Variants in ALOXE3 observed in about 807,000 individuals in gnomAD.
ALOXE3 encodes hydroperoxide isomerase ALOXE3.
In ALOXE3, 78 loss-of-function variants were observed where a neutral mutation model predicts 87.5. The observed-to-expected ratio is 0.89, with a 90% CI of 0.74 to 1.08. The LOEUF (loss-of-function observed/expected upper bound fraction) is 1.08. ALOXE3 is among the 50% of genes least tolerant of loss of function. ALOXE3 has a pLI of 0.00. For synonymous variants in ALOXE3, 363 were observed against 370.8 expected (o/e 0.98, Z 0.24); for missense variants, 946 against 912.4 (o/e 1.04, Z -0.47).
In ALOXE3 at chr17:8,096,547, G is replaced by A. The variant is rs1290036612; in HGVS notation, c.*80C>T. On this transcript the variant is annotated 3_prime_UTR_variant, in exon 16 of 16. Coordinates refer to ENST00000448843, the MANE Select transcript of ALOXE3 (RefSeq NM_021628.3). The stretch of plus-strand genomic sequence containing the variant: ...CAGGTGAACTGAGAACAGGGAGGAT[G>A]GAAGGGTCTGGAGGACCTGAGGAAC... The A allele has an allele frequency of 1.3e-6, 1 of 792,542 alleles. No individual in the cohort carries two copies. The highest frequency in any genetic ancestry group is 1.7e-5 in the Admixed American group (1 of 58,460). 49.1% of individuals were successfully genotyped at this position (792,542 alleles called of 1,614,324 possible).
rs868512630 is a variant in ALOXE3 at position 8,107,958 on chromosome 17, A to G, written c.1684+510T>C. On this transcript the variant is annotated intron_variant, in intron 13 of 15. Coordinates refer to ENST00000448843, the MANE Select transcript of ALOXE3 (RefSeq NM_021628.3). ...GAAAGAAAGAAAGAAAGAAAGAAAGAAAGGAAGGAGAGAGAGAGAGAGAGA... is the reference window on the plus strand; with the variant it reads ...GAAAGAAAGAAAGAAAGAAAGAAAGGAAGGAAGGAGAGAGAGAGAGAGAGA... Among the ~76,000 whole-genome samples the G allele has an allele frequency of 7.0e-3, 22 of 3,152 alleles. 5 individuals are homozygous for G. Among genetic ancestry groups the G allele is most frequent in the Middle Eastern group, 0.1 (1 of 10 alleles). The allele number at this position is 3,152 out of a possible 152,430, so 2.1% of individuals were successfully genotyped here.
intron 15 of ALOXE3, among the ~76,000 whole-genome samples, chr17:8,097,779 G>A (rs1005127381): frequency 2.9e-5 from 4 of 139,392 alleles, no homozygotes; most frequent in Admixed American, 7.6e-5. Context: ...ACAGAGTCTC[G>A]CACTGTCGCC....
Position 8,096,779 on chromosome 17 carries a change from G to A in ALOXE3, c.1984C>T (p.His662Tyr), listed in dbSNP as rs762484709. Residue 662 changes from histidine to tyrosine, a missense_variant, in exon 16 of 16, where the codon CAC becomes TAC. Transcript: ENST00000448843. ...CGCCTCGGGGCCTCCTCTGTGAAGT[G>A]CTCATCTGGGTAGGTGCCCAGGGGC... ...QRPLGTYPDE[H>Y]FTEEAPRRSI... 1 of 1,614,198 alleles carries A rather than the reference G, an allele frequency of 6.2e-7. No homozygotes were observed. Among genetic ancestry groups the A allele is most frequent in the South Asian group, 1.1e-5 (1 of 91,090 alleles).
At chr17:8,118,385 A>C (rs1486331299) in intron 1 of ALOXE3, 82 bp from the exon 2 acceptor site, 9 of 1,551,200 alleles carry the variant, frequency 5.8e-6, no homozygotes, top group Non-Finnish European at 7.8e-6. Context: ...CCGCCTGGTC[A>C]GCGGCCCGGA....
rs1598209965 is a variant in ALOXE3 at position 8,110,389 on chromosome 17, AT to A, written c.1096del (p.Ile366SerfsTer82). ...SPQGALVPLAIQLSQTPGPDS... is the reference protein window; with the variant it reads ...SPQGALVPLAXQLSQTPGPDS... The stretch of plus-strand genomic sequence containing the variant: ...GGGCGGCGGCGCCGGGCTCACCTGG[AT>A]GGCCAAGGGCACCAGCGCCCCCTGG... On this transcript the variant is annotated frameshift_variant, in exon 9 of 16. Transcript: ENST00000448843. LOFTEE classifies it high-confidence loss of function. The A allele has an allele frequency of 6.8e-6, 11 of 1,606,938 alleles. No individual in the cohort carries two copies. Among genetic ancestry groups the A allele is most frequent in the Non-Finnish European group, 9.4e-6 (11 of 1,175,758 alleles).
rs1230681079 is a variant in ALOXE3, at chr17:8,109,953, C to A, written c.1355G>T (p.Arg452Met). 1 of 1,551,100 alleles carries A rather than the reference C, an allele frequency of 6.4e-7. No individual in the cohort carries two copies. The highest frequency in any genetic ancestry group is 2.4e-5 in the East Asian group (1 of 40,914). The part of the protein sequence containing the change: ...RYTLQVNTIA[R>M]ATLLNPEGLV... ...GCCCTCGGGGTTGAGCAGCGTGGCC[C>A]TCGCGATGGTGTTCACCTGCAGCGT... The change falls in exon 11 of 16, where the codon AGG becomes ATG. Residue 452 changes from arginine to methionine, a missense_variant. Physicochemically the swap from Arg to Met is moderately conservative, Grantham distance 91 (BLOSUM62 -1). Coordinates refer to ENST00000448843, the MANE Select transcript of ALOXE3 (RefSeq NM_021628.3).
At chr17:8,113,994 C>T (rs376171920) in intron 6 of ALOXE3, among the ~76,000 whole-genome samples, 2 of 149,348 alleles carry the variant, frequency 1.3e-5, no homozygotes, top group Non-Finnish European at 3.0e-5. Flanking sequence ...CACTGCACTC[C>T]AGCCTGGGCG....
At chr17:8,112,323 A>G in intron 6 of ALOXE3, 127 bp from the exon 7 acceptor site, 1 of 721,616 alleles carries the variant, frequency 1.4e-6, no homozygotes, top group Non-Finnish European at 2.5e-6. Context: ...AACAATCCAC[A>G]TGGGAGAAAA....
At chr17:8,099,926 C>G (rs1205710855) in intron 15 of ALOXE3, among the ~76,000 whole-genome samples, 1 of 151,848 alleles carries the variant, frequency 6.6e-6, no homozygotes, top group African/African-American at 2.4e-5. Context: ...AAAAATTAGC[C>G]AGGCGTGGTG....
At chr17:8,103,110 A>G (rs926700776) in intron 15 of ALOXE3, among the ~76,000 whole-genome samples, 1 of 152,252 alleles carries the variant, frequency 6.6e-6, no homozygotes, top group Non-Finnish European at 1.5e-5. Flanking sequence ...ATTCGGATAA[A>G]TGGATGGACG....
chr17:8,096,862 C>T (rs938091581), intron 15 of ALOXE3, 56 bp from the exon 16 acceptor site: 6 of 1,584,168 alleles, frequency 3.8e-6, no homozygotes, highest in East Asian at 2.2e-5. Context: ...TGGGGAATAA[C>T]GGAGGACCAC....
chr17:8,114,488 G>T lies in ALOXE3; in HGVS notation c.676C>A (p.Pro226Thr). The change falls in exon 6 of 16, where the codon CCT becomes ACT. Residue 226 changes from proline to threonine, a missense_variant. Coordinates refer to ENST00000448843, the MANE Select transcript of ALOXE3 (RefSeq NM_021628.3). ...TTAGAGGGACAATGGCCTTACGCAG[G>T]GATGGCATTGAAGAGCAGCGAGATC... is the stretch of plus-strand genomic sequence containing the variant. ...KTISLLFNAI[P>T]ASLGMKLRGL... 1 of 1,614,004 alleles carries T rather than the reference G, an allele frequency of 6.2e-7. No individual in the cohort carries two copies. Among genetic ancestry groups the T allele is most frequent in the Non-Finnish European group, 8.5e-7 (1 of 1,179,970 alleles).
intron 2 of ALOXE3, among the ~76,000 whole-genome samples, chr17:8,117,565 G>A (rs117524178): frequency 0.016 from 2,438 of 152,330 alleles, 19 homozygotes; most frequent in Non-Finnish European, 0.026. Context: ...GGCTCAGAGA[G>A]GGGAAGCGAC....
chr17:8,112,292 A>G (rs2151841908), intron 6 of ALOXE3, 96 bp from the exon 7 acceptor site: 1 of 916,356 alleles, frequency 1.1e-6, no homozygotes, highest in Non-Finnish European at 1.8e-6. Flanking sequence ...GACGGGGTCC[A>G]TCCCCAGAGT....
rs758485720 is a variant in ALOXE3 at position 8,110,458 on chromosome 17, T to C, written c.1028A>G (p.Gln343Arg). Residue 343 changes from glutamine to arginine, a missense_variant, in exon 9 of 16, where the codon CAG (glutamine) becomes CGG (arginine). Gln to Arg is a conservative substitution (Grantham distance 43, BLOSUM62 1). Transcript: ENST00000448843. Reference sequence around the variant, plus strand: ...GCACAGTGGGGCGGCCACGTACTGCTGGCGGCCGTTTAGGCAGTGGGTGGG... The same window carrying C: ...GCACAGTGGGGCGGCCACGTACTGCCGGCGGCCGTTTAGGCAGTGGGTGGG... ...EAPTHCLNGR[Q>R]QYVAAPLCLL... The C allele has an allele frequency of 8.1e-6, 13 of 1,613,650 alleles. No homozygotes were observed. The highest frequency in any genetic ancestry group is 1.1e-5 in the Non-Finnish European group (13 of 1,179,764).
chr17:8,112,035 AG>A (rs1156331086), intron 7 of ALOXE3, 57 bp downstream of exon 7: 37 of 1,472,030 alleles, frequency 2.5e-5, no homozygotes, highest in Non-Finnish European at 3.1e-5. Context: ...AAGGAGAGGA[AG>A]GGGTCTGAGC....
chr17:8,117,816 C>G (rs745698357), intron 2 of ALOXE3, 28 bp downstream of exon 2: 40 of 1,605,470 alleles, frequency 2.5e-5, no homozygotes, highest in Non-Finnish European at 3.3e-5. Context: ...CCTCTGAGGT[C>G]GCGCTTCCCT....
chr17:8,105,914 C>CAAA (rs1164518718), intron 13 of ALOXE3, among the ~76,000 whole-genome samples: 1,010 of 43,008 alleles, frequency 0.023, 32 homozygotes, highest in Middle Eastern at 0.048. Flanking sequence ...GACCCCGCCT[C>CAAA]AAAAAAAAAA....
chr17:8,107,516 C>T (rs1193540416), intron 13 of ALOXE3, among the ~76,000 whole-genome samples: 3 of 151,830 alleles, frequency 2.0e-5, no homozygotes, highest in Admixed American at 1.3e-4. Context: ...GACTCTGTCT[C>T]GCACCAGGCG....
Sources: gnomAD v4.1 joint callset for allele counts (sites outside exome capture counted in the v4.1 genomes callset) on GRCh38, gnomAD v4.1.1 for gene constraint, MANE v1.5 for transcripts, NCBI Gene and HGNC (gene_info 2026-07-23, HGNC 2026-07-21) for gene names.